SLC36A1: variants seen among roughly 807,000 people sequenced by gnomAD.
The protein encoded by SLC36A1 is proton-coupled amino acid transporter 1.
A neutral mutation model predicts 47.5 loss-of-function variants in SLC36A1; 30 were observed. That is an observed-to-expected ratio of 0.63 (90% CI 0.47 to 0.86). SLC36A1 has a LOEUF of 0.86. SLC36A1 is among the 40% of genes least tolerant of loss of function. SLC36A1 has a pLI of 0.00. For synonymous variants in SLC36A1, 255 were observed against 249.7 expected, an observed-to-expected ratio of 1.02 and a Z score of -0.20; for missense variants, 517 against 606.0, an observed-to-expected ratio of 0.85 and a Z score of 1.54.
chr5:151,347,033 A>G, the SLC36A1 span, among the ~76,000 whole-genome samples: 2 of 152,210 alleles, frequency 1.3e-5, no homozygotes, highest in South Asian at 4.1e-4. Context: ...TATCCTGCCA[A>G]TGACTCAGTA....
the SLC36A1 span, among the ~76,000 whole-genome samples, chr5:151,398,844 T>C: frequency 1.3e-5 from 2 of 152,168 alleles, no homozygotes; most frequent in African/African-American, 4.8e-5. Context: ...CTTCATTATC[T>C]GTGCATGGGT....
the SLC36A1 span, among the ~76,000 whole-genome samples, chr5:151,421,174 CTCCTTCCT>C: frequency 0.22 from 29,935 of 138,686 alleles, 3,414 homozygotes; most frequent in African/African-American, 0.25. Context: ...CGCCCTTTCT[CTCCTTCCT>C]TCCTTCCTTC....
the SLC36A1 span, among the ~76,000 whole-genome samples, chr5:151,426,551 C>T: frequency 6.6e-6 from 1 of 152,174 alleles, no homozygotes; most frequent in African/African-American, 2.4e-5. Context: ...CAGCATGTCT[C>T]ACCTCCAGCC....
chr5:151,550,497 G>A, the SLC36A1 span: 4 of 1,404,238 alleles, frequency 2.8e-6, no homozygotes, highest in African/African-American at 5.6e-5. Context: ...GTCCTTATGA[G>A]GGGAAGGGGG....
At chr5:151,373,024 C>T in the SLC36A1 span, among the ~76,000 whole-genome samples, 38 of 151,634 alleles carry the variant, frequency 2.5e-4, no homozygotes, top group East Asian at 9.7e-4. Flanking sequence ...CCAGCCTGGG[C>T]GACACAGTGA....
At chr5:151,352,136 C>G in the SLC36A1 span, among the ~76,000 whole-genome samples, 1 of 152,158 alleles carries the variant, frequency 6.6e-6, no homozygotes, top group Non-Finnish European at 1.5e-5. Context: ...AGTCTTAGGT[C>G]AAGATTTTTC....
chr5:151,483,103 A>G (rs1413326543), intron 10 of SLC36A1, among the ~76,000 whole-genome samples: 1 of 152,240 alleles, frequency 6.6e-6, no homozygotes, highest in Admixed American at 6.5e-5. Flanking sequence ...AACAGCTTTG[A>G]TCATAATAAA....
chr5:151,464,777 T>C (rs1756092519), intron 4 of SLC36A1, among the ~76,000 whole-genome samples, 175 bp downstream of exon 4: 1 of 152,248 alleles, frequency 6.6e-6, no homozygotes, highest in Admixed American at 6.5e-5. Context: ...CTTTTCTGGC[T>C]CATTATCATC....
chr5:151,440,020 T>A (rs554149686), intron 1 of SLC36A1, among the ~76,000 whole-genome samples: 2 of 152,372 alleles, frequency 1.3e-5, no homozygotes, highest in African/African-American at 4.8e-5. Flanking sequence ...GAAATCATAA[T>A]GCTGATGAAT....
the SLC36A1 span, chr5:151,517,634 A>T: frequency 1.2e-6 from 2 of 1,614,136 alleles, no homozygotes; most frequent in Non-Finnish European, 1.7e-6. Context: ...AGGGAGACGG[A>T]CGCTGTTTCA....
the SLC36A1 span, chr5:151,347,183 TG>T: frequency 7.6e-7 from 1 of 1,322,950 alleles, no homozygotes; most frequent in Admixed American, 1.7e-5. Context: ...TTTGCAACCT[TG>T]GTTTCTCATC....
chr5:151,531,898 C>T, the SLC36A1 span: 1 of 1,614,202 alleles, frequency 6.2e-7, no homozygotes, highest in Non-Finnish European at 8.5e-7. The surrounding 1 kb of genome is among the most constrained non-coding windows in gnomAD (Gnocchi z 5.7). Context: ...GCGGATCACC[C>T]CCGTGGTGGC....
the SLC36A1 span, chr5:151,521,796 C>A: frequency 6.2e-7 from 1 of 1,614,164 alleles, no homozygotes; most frequent in Middle Eastern, 1.6e-4. Flanking sequence ...TGACGTTGAA[C>A]GAGTAGTGGC....
At position 151,491,325 on chromosome 5, in the gene SLC36A1, A is replaced by G. The variant is rs1240788806; in HGVS notation, c.*3071A>G. On this transcript the variant is annotated 3_prime_UTR_variant, in exon 11 of 11. Transcript: ENST00000243389. ...CCCTTCATCTGCACAAGCCCTGGCTAGATATGTGTGAATGTGTGGCATCAT... is the reference window on the plus strand; with the variant it reads ...CCCTTCATCTGCACAAGCCCTGGCTGGATATGTGTGAATGTGTGGCATCAT... 6.6e-6 allele frequency: 1 copy of G among 152,648 alleles called. No individual in the cohort carries two copies. Among genetic ancestry groups the G allele is most frequent in the Non-Finnish European group, 1.5e-5 (1 of 68,052 alleles). 9.5% of individuals were successfully genotyped at this position (152,648 alleles called of 1,614,324 possible). A position where few individuals can be genotyped will look rare whatever the true frequency, so the allele number is the denominator to read the frequency against.
At chr5:151,429,272 T>C in the SLC36A1 span, among the ~76,000 whole-genome samples, 11 of 151,998 alleles carry the variant, frequency 7.2e-5, no homozygotes, top group Non-Finnish European at 2.9e-5. Context: ...TATGTATACA[T>C]GTGCCATGTT....
chr5:151,378,476 G>C, the SLC36A1 span: 9 of 213,132 alleles, frequency 4.2e-5, no homozygotes, highest in East Asian at 1.1e-4. Context: ...GATTAAAGCT[G>C]TTCAAATTAG....
chr5:151,553,283 A>G, the SLC36A1 span: 2,602 of 1,614,152 alleles, frequency 1.6e-3, 30 homozygotes, highest in African/African-American at 0.03. Flanking sequence ...AGTAGGTCTC[A>G]TCAAAGGCCA....
the SLC36A1 span, among the ~76,000 whole-genome samples, chr5:151,384,993 TGAGA>T: frequency 2.4e-4 from 33 of 135,750 alleles, no homozygotes; most frequent in East Asian, 2.5e-3. Context: ...TGTGGGTGTG[TGAGA>T]GAGAGAGAGA....
intron 10 of SLC36A1, chr5:151,480,112 A>T: frequency 3.4e-6 from 5 of 1,479,700 alleles, no homozygotes; most frequent in Non-Finnish European, 4.4e-6. Context: ...AAAACTGGTG[A>T]CATTTAGAAA....
Sources: gnomAD v4.1 joint callset for allele counts (sites outside exome capture counted in the v4.1 genomes callset) on GRCh38, gnomAD v4.1.1 for gene constraint, Gnocchi (gnomAD v3.1) non-coding constraint, MANE v1.5 for transcripts, NCBI Gene and HGNC (gene_info 2026-07-23, HGNC 2026-07-21) for gene names.